The following CAPS2 variants were observed in gnomAD, a reference collection of about 807,000 sequenced individuals.
CAPS2 encodes calcyphosine 2.
Under a neutral mutation model 86.5 loss-of-function variants are expected in CAPS2, and 98 were observed. The ratio of observed to expected loss-of-function variants is 1.13; its 90% CI spans 0.96 to 1.34. The LOEUF (loss-of-function observed/expected upper bound fraction) is 1.34, where lower values mean the gene tolerates loss of function less well. Among genes scored for constraint, CAPS2 ranks in the 40% most tolerant of loss-of-function variants. The pLI, the probability that CAPS2 is intolerant of heterozygous loss-of-function variation, is 0.00. For missense variants in CAPS2, 729 were observed against 686.8 expected (o/e 1.06, Z -0.69); for synonymous variants, 210 against 225.1 (o/e 0.93, Z 0.60).
At chr12:75,306,131 G>C in intron 7 of CAPS2, 2 of 1,170,232 alleles carry the variant, frequency 1.7e-6, no homozygotes, top group Non-Finnish European at 2.5e-6. Context: ...GGGAACGTGC[G>C]GAAGCTCATC....
At chr12:75,310,151 T>C (rs529488214) in intron 7 of CAPS2, among the ~76,000 whole-genome samples, 1 of 152,304 alleles carries the variant, frequency 6.6e-6, no homozygotes, top group African/African-American at 2.4e-5. Context: ...GAAGCTCACA[T>C]TCTGAAGAGG....
chr12:75,324,900 A>C (rs1156234515), intron 2 of CAPS2, among the ~76,000 whole-genome samples: 1 of 152,158 alleles, frequency 6.6e-6, no homozygotes, highest in Non-Finnish European at 1.5e-5. Flanking sequence ...ATTGATGCCA[A>C]CTAAATGAAT....
intron 1 of CAPS2, among the ~76,000 whole-genome samples, chr12:75,335,124 T>G (rs919647073): frequency 6.6e-6 from 1 of 152,096 alleles, no homozygotes; most frequent in African/African-American, 2.4e-5. Flanking sequence ...GCGGGGAAGG[T>G]GGGGATGCTG....
At position 75,357,030 on chromosome 12, in the gene CAPS2, TA is replaced by T. The variant is rs987731621; in HGVS notation, c.-395+33807del. The stretch of plus-strand genomic sequence containing the variant: ...AGTGAGACTGCATCTATAGAAAAAT[TA>T]AAAAAAAAAATTACTTTGGCATGGT... On this transcript the variant is annotated intron_variant, in intron 1 of 5. Transcript: ENST00000551829. 3.4e-3 allele frequency among the ~76,000 whole-genome samples: 500 copies of T among 148,076 alleles called. 2 individuals are homozygous for T. Among genetic ancestry groups the T allele is most frequent in the African/African-American group, 0.012 (477 of 40,534 alleles).
At chr12:75,314,283 C>T (rs1333098541) in intron 6 of CAPS2, among the ~76,000 whole-genome samples, 4 of 151,850 alleles carry the variant, frequency 2.6e-5, no homozygotes, top group Admixed American at 1.3e-4. Context: ...CTAAATTTAA[C>T]GTAGGTTAAA....
At chr12:75,340,180 C>T (rs1302637831) in intron 1 of CAPS2, among the ~76,000 whole-genome samples, 1 of 150,354 alleles carries the variant, frequency 6.7e-6, no homozygotes, top group Middle Eastern at 3.2e-3. Flanking sequence ...ATACATACCA[C>T]ATTTTCTTTA....
chr12:75,358,826 A>T (rs1416555155), intron 1 of CAPS2, among the ~76,000 whole-genome samples: 1 of 143,922 alleles, frequency 6.9e-6, no homozygotes, highest in Non-Finnish European at 1.5e-5. Context: ...AAATATATAT[A>T]ATATATAACA....
At chr12:75,366,128 G>A (rs147370195) in intron 1 of CAPS2, among the ~76,000 whole-genome samples, 78 of 152,104 alleles carry the variant, frequency 5.1e-4, no homozygotes, top group African/African-American at 1.8e-3. Context: ...AAGCATGTGG[G>A]CTTATTATTT....
intron 1 of CAPS2, among the ~76,000 whole-genome samples, chr12:75,377,704 T>G (rs889439258): frequency 3.3e-5 from 5 of 152,066 alleles, no homozygotes; most frequent in Non-Finnish European, 7.4e-5. Flanking sequence ...CTACCCACAT[T>G]GAGGGTGGGT....
At position 75,292,362 on chromosome 12, in the gene CAPS2, G is replaced by C. The variant is rs548637586; in HGVS notation, c.1164-542C>G. ...ATTACAGGAGTGAGCCGCTGCGCCT[G>C]GCCAACATTCATTTTGTAACAATTT... On this transcript the variant is annotated intron_variant, in intron 12 of 16. Coordinates refer to ENST00000393284, the Ensembl canonical transcript of CAPS2. Among the ~76,000 whole-genome samples, 241 of 151,930 alleles carry C rather than the reference G, an allele frequency of 1.6e-3. 1 individual carries two copies. Among genetic ancestry groups the C allele is most frequent in the African/African-American group, 5.5e-3 (226 of 41,428 alleles).
At chr12:75,363,706 T>C (rs1171666311) in intron 1 of CAPS2, among the ~76,000 whole-genome samples, 2 of 152,146 alleles carry the variant, frequency 1.3e-5, no homozygotes, top group African/African-American at 2.4e-5. Context: ...CAACAAAATA[T>C]CAAACTCTGT....
rs566894428 is a variant in CAPS2 at position 75,386,700 on chromosome 12, G to C, written c.-395+4138C>G. Among the ~76,000 whole-genome samples, 225 of 152,198 alleles carry C rather than the reference G, an allele frequency of 1.5e-3. 2 individuals carry two copies. The highest frequency in any genetic ancestry group is 4.7e-3 in the African/African-American group (195 of 41,524). On this transcript the variant is annotated intron_variant, in intron 1 of 5. Coordinates refer to the CAPS2 transcript ENST00000551829. Reference sequence around the variant, plus strand: ...ACAATAATTTAAAAGGTATAGTATTGGTGAAAGTAGAAATAAATCCATGGA... The same window carrying C: ...ACAATAATTTAAAAGGTATAGTATTCGTGAAAGTAGAAATAAATCCATGGA...
At chr12:75,376,442 C>T (rs1397809162) in intron 1 of CAPS2, among the ~76,000 whole-genome samples, 3 of 152,168 alleles carry the variant, frequency 2.0e-5, no homozygotes, top group African/African-American at 7.2e-5. Context: ...TAGGGGCCTG[C>T]TGGGACTTGA....
At chr12:75,305,445 C>T in intron 7 of CAPS2, 1 of 514,046 alleles carries the variant, frequency 1.9e-6, no homozygotes, top group East Asian at 4.0e-5. Context: ...AGGGCACAGA[C>T]CGGTTGGAAC....
intron 1 of CAPS2, among the ~76,000 whole-genome samples, chr12:75,339,236 C>T (rs1252425605): frequency 2.6e-5 from 4 of 152,078 alleles, no homozygotes; most frequent in African/African-American, 9.7e-5. Context: ...AAAAATGTTC[C>T]TTTTTTTCCC....
chr12:75,290,649 T>C (rs528103851), intron 13 of CAPS2, among the ~76,000 whole-genome samples: 14 of 152,154 alleles, frequency 9.2e-5, no homozygotes, highest in African/African-American at 3.4e-4. Context: ...AGTGTGATGG[T>C]TCATGACTAT....
intron 1 of CAPS2, among the ~76,000 whole-genome samples, chr12:75,335,921 A>G (rs1283579514): frequency 6.6e-6 from 1 of 152,024 alleles, no homozygotes; most frequent in Non-Finnish European, 1.5e-5. Context: ...TTGTAAATGT[A>G]TGATAAAAAA....
chr12:75,307,860 T>C (rs1227917265), intron 7 of CAPS2, among the ~76,000 whole-genome samples: 2 of 152,092 alleles, frequency 1.3e-5, no homozygotes, highest in Non-Finnish European at 2.9e-5. Context: ...ATAAGGAACA[T>C]AGGTGTCATT....
chr12:75,324,145 A>T (rs1358347122), intron 2 of CAPS2, among the ~76,000 whole-genome samples: 1 of 152,190 alleles, frequency 6.6e-6, no homozygotes, highest in Admixed American at 6.5e-5. Context: ...CTATTATTTG[A>T]CTCAGCCAAG....
Sources: gnomAD v4.1 joint callset for allele counts (sites outside exome capture counted in the v4.1 genomes callset) on GRCh38, gnomAD v4.1.1 for gene constraint, MANE v1.5 for transcripts, NCBI Gene and HGNC (gene_info 2026-07-23, HGNC 2026-07-21) for gene names.